Variants in SENP2 observed in about 807,000 individuals in gnomAD.
SENP2 encodes the protein SUMO specific peptidase 2, also known as sentrin-specific protease 2.
Under a neutral mutation model 86.3 loss-of-function variants are expected in SENP2, and 16 were observed. That is an observed-to-expected ratio of 0.19 (90% CI 0.13 to 0.28). The LOEUF is 0.28. Ranked by LOEUF, SENP2 falls within the 10% of genes least tolerant of loss-of-function variation. SENP2 has a pLI of 1.00. For missense variants in SENP2, 552 were observed against 703.0 expected, an observed-to-expected ratio of 0.79 and a Z score of 2.43; for synonymous variants, 222 against 238.7, an observed-to-expected ratio of 0.93 and a Z score of 0.64.
chr3:185,614,297 C>T (rs1711521434), intron 10 of SENP2, among the ~76,000 whole-genome samples: 1 of 152,172 alleles, frequency 6.6e-6, no homozygotes, highest in African/African-American at 2.4e-5. Context: ...GATAGGAGAA[C>T]TGAAAATACT....
chr3:185,589,916 C>A lies in SENP2; in HGVS notation c.102-198C>A, dbSNP rs192253303. ...ACTCCAAGGCTCAAGCGATCCTCCC[C>A]CTTGGCCTCCCAAAGTGCTGGGATT... On this transcript the variant is annotated intron_variant, in intron 1 of 16. Coordinates refer to ENST00000296257, the MANE Select transcript of SENP2 (RefSeq NM_021627.3). 2.5e-3 allele frequency among the ~76,000 whole-genome samples: 381 copies of A among 152,242 alleles called. 2 individuals carry two copies. The highest frequency in any genetic ancestry group is 4.3e-3 in the Non-Finnish European group (293 of 68,008).
chr3:185,622,008 T>C, intron 14 of SENP2, 103 bp downstream of exon 14: 1 of 655,708 alleles, frequency 1.5e-6, no homozygotes. Context: ...TAGTTAAGGC[T>C]ATTTCAGGAC....
At chr3:185,613,251 A>T (rs1722752269) in intron 9 of SENP2, 94 bp from the exon 10 acceptor site, 1 of 783,120 alleles carries the variant, frequency 1.3e-6, no homozygotes, top group Non-Finnish European at 2.1e-6. Context: ...CACAATTTTT[A>T]TGTACAAATT....
chr3:185,626,457 C>CCTTAT, intron 16 of SENP2, 64 bp downstream of exon 16: 2 of 1,091,868 alleles, frequency 1.8e-6, no homozygotes, highest in Non-Finnish European at 2.8e-6. Flanking sequence ...TTGGCCAGTG[C>CCTTAT]CTGGCACACA....
intron 5 of SENP2, among the ~76,000 whole-genome samples, chr3:185,603,813 T>A (rs927414499): frequency 6.6e-6 from 1 of 152,228 alleles, no homozygotes; most frequent in Non-Finnish European, 1.5e-5. Flanking sequence ...TTGGTTTTCA[T>A]TTTCATTCAA....
intron 16 of SENP2, among the ~76,000 whole-genome samples, chr3:185,626,634 G>A (rs1007454205): frequency 3.3e-5 from 5 of 151,646 alleles, no homozygotes; most frequent in African/African-American, 7.3e-5. Context: ...TTAGCCAGGC[G>A]TGGTGGTGCA....
At chr3:185,588,014 C>T (rs1038014585) in intron 1 of SENP2, among the ~76,000 whole-genome samples, 3 of 147,940 alleles carry the variant, frequency 2.0e-5, no homozygotes, top group Non-Finnish European at 4.5e-5. Flanking sequence ...GCTGGGATTA[C>T]AGGCCTGAGC....
At chr3:185,624,118 T>G (rs1489775818) in intron 15 of SENP2, 36 bp downstream of exon 15, 1 of 1,434,466 alleles carries the variant, frequency 7.0e-7, no homozygotes, top group Non-Finnish European at 9.8e-7. Context: ...CATACTTGGT[T>G]GCATTTACTA....
At position 185,607,319 on chromosome 3, in the gene SENP2, C is replaced by CTTTTT. The variant is rs758884593; in HGVS notation, c.618+843_618+847dup. ...TATTAGGAAGAGATAAGATTAGATT[C>CTTTTT]TTTTTTTTTTTTTTTTTTTTTTTTT... On this transcript the variant is annotated intron_variant, in intron 6 of 16. Transcript: ENST00000296257. Among the ~76,000 whole-genome samples, 10 of 66,010 alleles carry CTTTTT rather than the reference C, an allele frequency of 1.5e-4. 1 individual carries two copies. Among genetic ancestry groups the CTTTTT allele is most frequent in the East Asian group, 9.1e-4 (2 of 2,200 alleles). 43.3% of individuals were successfully genotyped at this position (66,010 alleles called of 152,430 possible). A position where few individuals can be genotyped will look rare whatever the true frequency, so the allele number is the denominator to read the frequency against.
At chr3:185,604,873 A>T in intron 5 of SENP2, among the ~76,000 whole-genome samples, 1 of 150,858 alleles carries the variant, frequency 6.6e-6, no homozygotes, top group East Asian at 2.0e-4. Context: ...CTCCTGCCTC[A>T]GTCTCTCGAG....
chr3:185,626,727 C>G (rs925509807), intron 16 of SENP2, among the ~76,000 whole-genome samples: 1 of 151,412 alleles, frequency 6.6e-6, no homozygotes, highest in East Asian at 1.9e-4. Flanking sequence ...GAGCCGAGGT[C>G]GCACCAGTGC....
rs758372238 is a variant in SENP2 at position 185,600,819 on chromosome 3, C to A, written c.413C>A (p.Thr138Asn). ...SDYPKIRVTV[T>N]RDQPRRVLPS... ...TATCCAAAGATCAGAGTGACAGTTA[C>A]CCGAGATCAGCCACGCAGAGTCCTG... is the stretch of plus-strand genomic sequence containing the variant. The change falls in exon 5 of 17, where the codon ACC (threonine) becomes AAC (asparagine). Residue 138 changes from threonine to asparagine, a missense_variant. Transcript: ENST00000296257. 2 of 1,612,436 alleles carry A rather than the reference C, an allele frequency of 1.2e-6. No individual in the cohort carries two copies.
intron 4 of SENP2, 75 bp from the exon 5 acceptor site, chr3:185,600,689 AT>A (rs1259418572): frequency 8.4e-6 from 8 of 949,952 alleles, no homozygotes; most frequent in South Asian, 1.4e-5. Context: ...TTGCTCACAG[AT>A]TTTTTTTCTT....
rs1375657634 is a variant in SENP2 at position 185,629,953 on chromosome 3, G to A, written c.*109G>A. Reference sequence around the variant, plus strand: ...CCCTGCATCACTTCTGTTCTCACAGGTACTGAGCTGTCAAAAGTGCATGAA... The same window carrying A: ...CCCTGCATCACTTCTGTTCTCACAGATACTGAGCTGTCAAAAGTGCATGAA... On this transcript the variant is annotated 3_prime_UTR_variant, in exon 17 of 17. Coordinates refer to ENST00000296257, the MANE Select transcript of SENP2 (RefSeq NM_021627.3). 2 of 1,095,514 alleles carry A rather than the reference G, an allele frequency of 1.8e-6. No homozygotes were observed. The highest frequency in any genetic ancestry group is 2.1e-4 in the Middle Eastern group (1 of 4,766). 67.9% of individuals were successfully genotyped at this position (1,095,514 alleles called of 1,614,324 possible).
chr3:185,600,667 C>G (rs1722315238), intron 4 of SENP2, 98 bp from the exon 5 acceptor site: 1 of 734,422 alleles, frequency 1.4e-6, no homozygotes, highest in African/African-American at 1.8e-5. Context: ...TGATTTAGCT[C>G]TATGATGTAG....
At chr3:185,617,371 A>G in intron 11 of SENP2, 109 bp from the exon 12 acceptor site, 1 of 759,162 alleles carries the variant, frequency 1.3e-6, no homozygotes, top group South Asian at 2.5e-5. Flanking sequence ...ATTTTTCTCA[A>G]GAGTCAGGTG....
At chr3:185,590,643 A>G (rs1034449882) in intron 2 of SENP2, among the ~76,000 whole-genome samples, 3 of 149,988 alleles carry the variant, frequency 2.0e-5, no homozygotes, top group African/African-American at 7.4e-5. Flanking sequence ...AGGTGGGAGG[A>G]TCACTTGAGG....
At chr3:185,623,722 G>A (rs1711998206) in intron 14 of SENP2, among the ~76,000 whole-genome samples, 1 of 150,040 alleles carries the variant, frequency 6.7e-6, no homozygotes, top group Admixed American at 6.7e-5. Flanking sequence ...AGCTACTTGG[G>A]AGGCTAAGTC....
chr3:185,594,527 A>G (rs1211377706), intron 2 of SENP2, among the ~76,000 whole-genome samples: 3 of 152,140 alleles, frequency 2.0e-5, no homozygotes, highest in East Asian at 3.8e-4. Flanking sequence ...ACTGTGTTGG[A>G]CAGTACAACT....
Sources: allele counts gnomAD v4.1 joint callset (sites outside exome capture counted in the v4.1 genomes callset), GRCh38; gene constraint gnomAD v4.1.1; transcripts MANE v1.5; gene names NCBI Gene and HGNC (gene_info 2026-07-23, HGNC 2026-07-21).